SGCD: variants seen among roughly 807,000 people sequenced by gnomAD.
The protein encoded by SGCD is sarcoglycan delta.
Under a neutral mutation model 36.6 loss-of-function variants are expected in SGCD, and 18 were observed. The ratio of observed to expected loss-of-function variants is 0.49; its 90% CI spans 0.34 to 0.73. The LOEUF (loss-of-function observed/expected upper bound fraction) is 0.73. Ranked by LOEUF, SGCD falls within the 30% of genes least tolerant of loss-of-function variation. The pLI is 0.01. For missense variants in SGCD, 387 were observed against 346.7 expected (o/e 1.12, Z -0.92); for synonymous variants, 133 against 130.6 (o/e 1.02, Z -0.12).
At chr5:155,798,455 A>G in the SGCD span, among the ~76,000 whole-genome samples, 11 of 152,184 alleles carry the variant, frequency 7.2e-5, no homozygotes, top group African/African-American at 1.4e-4. Context: ...ACCATCCATC[A>G]CACTATTTCT....
intron 3 of SGCD, among the ~76,000 whole-genome samples, chr5:156,491,114 T>C (rs541455181): frequency 1.4e-4 from 21 of 151,910 alleles, no homozygotes; most frequent in Admixed American, 1.4e-3. Flanking sequence ...TGAAATAAAA[T>C]ACCCAGGAAC....
chr5:156,674,552 C>T (rs1382585988), intron 7 of SGCD, among the ~76,000 whole-genome samples: 1 of 152,130 alleles, frequency 6.6e-6, no homozygotes, highest in Non-Finnish European at 1.5e-5. Flanking sequence ...CACTGAGAGA[C>T]TCAAGGCAAG....
At chr5:155,827,943 G>A in the SGCD span, among the ~76,000 whole-genome samples, 3 of 149,684 alleles carry the variant, frequency 2.0e-5, no homozygotes, top group East Asian at 6.0e-4. Context: ...CACCTGCCTC[G>A]GCCTCCCAAA....
At chr5:156,096,667 G>C (rs1761383414) in intron 1 of SGCD, among the ~76,000 whole-genome samples, 1 of 152,078 alleles carries the variant, frequency 6.6e-6, no homozygotes, top group Non-Finnish European at 1.5e-5. Flanking sequence ...GATTTTCTAA[G>C]CAAGCATAAA....
chr5:155,966,108 G>A (rs1279204306), intron 1 of SGCD, among the ~76,000 whole-genome samples: 1 of 152,126 alleles, frequency 6.6e-6, no homozygotes, highest in African/African-American at 2.4e-5. Flanking sequence ...ACCTCTAGGA[G>A]TGTGTCGATG....
At chr5:156,341,595 G>A (rs78308722) in intron 2 of SGCD, among the ~76,000 whole-genome samples, 5,226 of 152,224 alleles carry the variant, frequency 0.034, 286 homozygotes, top group African/African-American at 0.12. Flanking sequence ...CCAATGGCAT[G>A]TAATCCTGTC....
At chr5:156,329,315 T>G (rs1222006407) in intron 1 of SGCD, among the ~76,000 whole-genome samples, 1 of 152,164 alleles carries the variant, frequency 6.6e-6, no homozygotes, top group Non-Finnish European at 1.5e-5. Context: ...GGCACTGATT[T>G]GTTGGACTGG....
intron 3 of SGCD, among the ~76,000 whole-genome samples, chr5:156,305,816 G>A (rs968023853): frequency 2.6e-5 from 4 of 152,228 alleles, no homozygotes; most frequent in Non-Finnish European, 4.4e-5. Flanking sequence ...TTGCATCAGT[G>A]TGATCCAGAT....
chr5:156,481,651 CCTG>C (rs968939864), intron 3 of SGCD, among the ~76,000 whole-genome samples: 2 of 152,074 alleles, frequency 1.3e-5, no homozygotes, highest in African/African-American at 4.8e-5. Context: ...AATAATAGTA[CCTG>C]CCCCCACAGG....
intron 1 of SGCD, among the ~76,000 whole-genome samples, chr5:155,932,127 A>G (rs1240065436): frequency 6.6e-6 from 1 of 152,174 alleles, no homozygotes; most frequent in Non-Finnish European, 1.5e-5. Flanking sequence ...TTGGGGAGAG[A>G]CAAACATTCA....
intron 3 of SGCD, chr5:156,393,686 A>G (rs62380730): frequency 0.19 from 85,209 of 453,714 alleles, 8,612 homozygotes; most frequent in South Asian, 0.26. Context: ...AAGATCATCC[A>G]TCTCCCAGAG....
At chr5:156,244,678 C>T (rs1765397166) in intron 3 of SGCD, among the ~76,000 whole-genome samples, 1 of 152,080 alleles carries the variant, frequency 6.6e-6, no homozygotes, top group African/African-American at 2.4e-5. Flanking sequence ...AGTTTAAAAG[C>T]CAGAATCACT....
intron 3 of SGCD, among the ~76,000 whole-genome samples, chr5:156,478,937 A>C (rs1278789713): frequency 6.6e-6 from 1 of 152,066 alleles, no homozygotes; most frequent in African/African-American, 2.4e-5. Flanking sequence ...CTGGTAATTC[A>C]GCCAGCTCCT....
At chr5:156,029,578 A>G (rs916973621) in intron 1 of SGCD, among the ~76,000 whole-genome samples, 3 of 152,186 alleles carry the variant, frequency 2.0e-5, no homozygotes, top group Non-Finnish European at 2.9e-5. Context: ...GTATGGGCAT[A>G]TTCGGCTGCC....
At chr5:155,995,253 A>G (rs1758517725) in intron 1 of SGCD, among the ~76,000 whole-genome samples, 3 of 152,218 alleles carry the variant, frequency 2.0e-5, no homozygotes, top group South Asian at 2.1e-4. Context: ...TTCAGCTGCC[A>G]TATAAGAGAG....
At chr5:155,855,449 A>G in the SGCD span, among the ~76,000 whole-genome samples, 5 of 152,146 alleles carry the variant, frequency 3.3e-5, no homozygotes, top group Admixed American at 6.6e-5. Context: ...TCGCTTCCCA[A>G]ATAATCTACT....
At chr5:156,756,081 G>A (rs1156516463) in intron 7 of SGCD, among the ~76,000 whole-genome samples, 1 of 152,190 alleles carries the variant, frequency 6.6e-6, no homozygotes, top group Non-Finnish European at 1.5e-5. Flanking sequence ...GGAGAATGAG[G>A]TTCCTTTTTA....
At chr5:156,377,340 T>A (rs1327091665) in intron 3 of SGCD, among the ~76,000 whole-genome samples, 3 of 152,186 alleles carry the variant, frequency 2.0e-5, no homozygotes, top group African/African-American at 7.2e-5. Flanking sequence ...CCAACTCCCA[T>A]CGCATTATAA....
intron 1 of SGCD, among the ~76,000 whole-genome samples, chr5:156,104,712 G>A (rs1475964228): frequency 6.6e-6 from 1 of 152,210 alleles, no homozygotes; most frequent in African/African-American, 2.4e-5. Context: ...GGAGTAACAA[G>A]TACTAAAACA....
Sources: allele counts gnomAD v4.1 joint callset (sites outside exome capture counted in the v4.1 genomes callset), GRCh38; gene constraint gnomAD v4.1.1; transcripts MANE v1.5; gene names NCBI Gene and HGNC (gene_info 2026-07-23, HGNC 2026-07-21).